Variants in TNFSF4 observed in about 807,000 individuals in gnomAD.
The protein encoded by TNFSF4 is tumor necrosis factor ligand superfamily member 4.
A neutral mutation model predicts 7.3 loss-of-function variants in TNFSF4; 4 were observed. That is an observed-to-expected ratio of 0.55 (90% CI 0.27 to 1.25). TNFSF4 has a LOEUF of 1.25. Ranked by LOEUF, TNFSF4 falls within the 50% of genes most tolerant of loss-of-function variation. TNFSF4 has a pLI of 0.12. For synonymous variants in TNFSF4, 76 were observed against 83.7 expected (o/e 0.91, Z 0.50); for missense variants, 181 against 208.8 (o/e 0.87, Z 0.82).
the TNFSF4 span, among the ~76,000 whole-genome samples, chr1:173,405,821 C>T: frequency 6.6e-6 from 1 of 152,188 alleles, no homozygotes; most frequent in Non-Finnish European, 1.5e-5. Flanking sequence ...CCAGCATGAG[C>T]ATTGGATTTG....
the TNFSF4 span, among the ~76,000 whole-genome samples, chr1:173,224,440 GA>G: frequency 6.6e-6 from 1 of 152,110 alleles, no homozygotes; most frequent in South Asian, 2.1e-4. Context: ...TGTCTGAAAC[GA>G]AAACACTTAT....
chr1:173,325,341 A>C, the TNFSF4 span, among the ~76,000 whole-genome samples: 6 of 152,174 alleles, frequency 3.9e-5, no homozygotes, highest in Non-Finnish European at 8.8e-5. Context: ...AACATACCAG[A>C]ATCTCTGGGA....
chr1:173,260,140 C>T, the TNFSF4 span, among the ~76,000 whole-genome samples: 1 of 152,134 alleles, frequency 6.6e-6, no homozygotes, highest in Non-Finnish European at 1.5e-5. Context: ...AACAGCAGAC[C>T]TCTCAGTGGA....
At chr1:173,194,805 G>A (rs1477833120) in intron 1 of TNFSF4, among the ~76,000 whole-genome samples, 1 of 151,118 alleles carries the variant, frequency 6.6e-6, no homozygotes, top group African/African-American at 2.4e-5. Context: ...TAAGGTGGGA[G>A]GATCGCTTGA....
At chr1:173,363,305 A>G in the TNFSF4 span, 1 of 286,800 alleles carries the variant, frequency 3.5e-6, no homozygotes, top group Non-Finnish European at 7.0e-6. Flanking sequence ...TTTCACATGT[A>G]TTCCAATTGT....
At chr1:173,268,947 C>T in the TNFSF4 span, among the ~76,000 whole-genome samples, 2 of 152,052 alleles carry the variant, frequency 1.3e-5, no homozygotes, top group African/African-American at 2.4e-5. Flanking sequence ...CTGATAAAGA[C>T]CACAGTTGTA....
the TNFSF4 span, among the ~76,000 whole-genome samples, chr1:173,340,241 T>C: frequency 3.9e-5 from 6 of 151,992 alleles, no homozygotes; most frequent in African/African-American, 1.5e-4. Flanking sequence ...CTCTCCTGGA[T>C]CTCTAGCTTG....
At position 173,186,707 on chromosome 1, in the gene TNFSF4, T is replaced by G; in HGVS notation, c.361A>C (p.Lys121Gln). The G allele has an allele frequency of 1.9e-6, 3 of 1,614,064 alleles. No individual in the cohort carries two copies. The highest frequency in any genetic ancestry group is 2.5e-6 in the Non-Finnish European group (3 of 1,180,002). Residue 121 changes from lysine to glutamine, a missense_variant, in exon 3 of 3, where the codon AAG becomes CAG. By Grantham distance (53) the Lys-to-Gln change is moderately conservative. Coordinates refer to ENST00000281834, the MANE Select transcript of TNFSF4 (RefSeq NM_003326.5). ...AGTTGGAAGAGGGGCTCCTCATCCT[T>G]CTGGTAATGAAGGCTAATGTTGACT... ...QEVNISLHYQ[K>Q]DEEPLFQLKK...
the TNFSF4 span, among the ~76,000 whole-genome samples, chr1:173,446,492 G>C: frequency 1.3e-5 from 2 of 152,156 alleles, no homozygotes; most frequent in African/African-American, 4.8e-5. Flanking sequence ...TTAATACTGA[G>C]TGTCAACTTG....
intron 1 of TNFSF4, among the ~76,000 whole-genome samples, chr1:173,204,372 G>A (rs1477734281): frequency 3.9e-5 from 6 of 151,994 alleles, no homozygotes; most frequent in Non-Finnish European, 5.9e-5. Flanking sequence ...TTTTTTTCTA[G>A]CATCTTAAAA....
the TNFSF4 span, among the ~76,000 whole-genome samples, chr1:173,318,828 C>T: frequency 3.9e-5 from 6 of 152,180 alleles, no homozygotes; most frequent in South Asian, 2.1e-4. Context: ...GCAGAAGGCA[C>T]GTGATTTCAG....
intron 1 of TNFSF4, among the ~76,000 whole-genome samples, chr1:173,196,300 T>C (rs1649694738): frequency 6.6e-6 from 1 of 152,212 alleles, no homozygotes; most frequent in African/African-American, 2.4e-5. Flanking sequence ...ATGTGTGGCT[T>C]TGAAAACCTT....
chr1:173,361,686 G>A, the TNFSF4 span, among the ~76,000 whole-genome samples: 2 of 152,068 alleles, frequency 1.3e-5, no homozygotes, highest in African/African-American at 4.8e-5. Context: ...TAAAAGGATG[G>A]TTGAGACACA....
chr1:173,181,327 G>A (rs1649052121), downstream of TNFSF4, among the ~76,000 whole-genome samples: 2 of 152,004 alleles, frequency 1.3e-5, no homozygotes, highest in African/African-American at 4.8e-5. Flanking sequence ...ACCAAAGAAG[G>A]CCAAGATCGT....
the TNFSF4 span, among the ~76,000 whole-genome samples, chr1:173,345,822 T>G: frequency 1.3e-5 from 2 of 152,162 alleles, no homozygotes; most frequent in Admixed American, 1.3e-4. Flanking sequence ...CTACCATTCC[T>G]GGGGCACCCC....
chr1:173,194,324 T>C (rs981542393), intron 1 of TNFSF4, among the ~76,000 whole-genome samples: 2 of 152,240 alleles, frequency 1.3e-5, no homozygotes, highest in Admixed American at 1.3e-4. Context: ...CACAAGGAGA[T>C]AGAACATACA....
chr1:173,374,627 G>A, the TNFSF4 span, among the ~76,000 whole-genome samples: 14 of 152,196 alleles, frequency 9.2e-5, no homozygotes, highest in East Asian at 1.9e-4. Context: ...AACCCCTTCC[G>A]ACTTAAAAAA....
chr1:173,289,522 T>A, the TNFSF4 span, among the ~76,000 whole-genome samples: 1 of 152,116 alleles, frequency 6.6e-6, no homozygotes, highest in South Asian at 2.1e-4. Context: ...ATAATAAAAA[T>A]TACTTTTTAA....
At chr1:173,387,496 T>C in the TNFSF4 span, among the ~76,000 whole-genome samples, 1 of 152,224 alleles carries the variant, frequency 6.6e-6, no homozygotes, top group African/African-American at 2.4e-5. Context: ...CTATTATTTA[T>C]AAGCTATCTA....
Sources: gnomAD v4.1 joint callset for allele counts (sites outside exome capture counted in the v4.1 genomes callset) on GRCh38, gnomAD v4.1.1 for gene constraint, MANE v1.5 for transcripts, NCBI Gene and HGNC (gene_info 2026-07-23, HGNC 2026-07-21) for gene names.